CCDC85C: variants seen among roughly 807,000 people sequenced by gnomAD.
CCDC85C encodes coiled-coil domain containing 85C.
In CCDC85C, 18 loss-of-function variants were observed where a neutral mutation model predicts 38.3. The ratio of observed to expected loss-of-function variants is 0.47; its 90% confidence interval spans 0.33 to 0.70. The LOEUF is 0.70. Ranked by LOEUF, CCDC85C falls within the 30% of genes least tolerant of loss-of-function variation. The pLI, the probability that CCDC85C is intolerant of heterozygous loss-of-function variation, is 0.03. For missense variants in CCDC85C, 566 were observed against 621.2 expected (o/e 0.91, Z 0.94); for synonymous variants, 264 against 293.8 (o/e 0.90, Z 1.04).
chr14:99,520,435 CCGA>C lies in CCDC85C; in HGVS notation c.975+1695_975+1697del, dbSNP rs1897286866. Among the ~76,000 whole-genome samples the C allele has an allele frequency of 6.7e-6, 1 of 149,480 alleles. No individual in the cohort carries two copies. The highest frequency in any genetic ancestry group is 2.0e-4 in the East Asian group (1 of 4,888). ...CTGGGGGCCTGCCCGCCGACCAGCC[CCGA>C]TCACGGCCCCTGCACCTCAGTTCAT... is the stretch of plus-strand genomic sequence containing the variant. On this transcript the variant is annotated intron_variant, in intron 3 of 5. Coordinates refer to ENST00000380243, the MANE Select transcript of CCDC85C (RefSeq NM_001144995.2). This position sits in a 1 kb window ranked among gnomAD's most constrained non-coding sequence, Gnocchi z 4.1.
chr14:99,531,379 C>G (rs761683394), intron 2 of CCDC85C, among the ~76,000 whole-genome samples: 1 of 152,048 alleles, frequency 6.6e-6, no homozygotes, highest in Admixed American at 6.5e-5. Flanking sequence ...CAGCCCAGCC[C>G]GGCTGGGCAC....
At chr14:99,546,036 C>T (rs1016386263) in intron 1 of CCDC85C, among the ~76,000 whole-genome samples, 11 of 150,398 alleles carry the variant, frequency 7.3e-5, no homozygotes, top group African/African-American at 2.3e-4. Context: ...TGCAACTAAT[C>T]GCGCAGGACT....
chr14:99,586,685 C>T (rs965801954), intron 1 of CCDC85C, among the ~76,000 whole-genome samples: 1 of 152,206 alleles, frequency 6.6e-6, no homozygotes, highest in African/African-American at 2.4e-5. Context: ...TTTCCAGATG[C>T]CAACTCATCA....
Position 99,533,830 on chromosome 14 carries a change from C to A in CCDC85C, c.867+2185G>T, listed in dbSNP as rs1170162486. On this transcript the variant is annotated intron_variant, in intron 2 of 5. Coordinates refer to ENST00000380243, the MANE Select transcript of CCDC85C (RefSeq NM_001144995.2). This position sits in a 1 kb window ranked among gnomAD's most constrained non-coding sequence, Gnocchi z 4.2. Reference sequence around the variant, plus strand: ...GTGGACACAGGTTATGGTGGAGGGCCCCCTGTGAGACCGGGGGGCACCCCA... The same window carrying A: ...GTGGACACAGGTTATGGTGGAGGGCACCCTGTGAGACCGGGGGGCACCCCA... Among the ~76,000 whole-genome samples, 3 of 152,186 alleles carry A rather than the reference C, an allele frequency of 2.0e-5. No homozygotes were observed. The highest frequency in any genetic ancestry group is 4.4e-5 in the Non-Finnish European group (3 of 68,034).
chr14:99,554,051 G>A lies in CCDC85C; in HGVS notation c.794-17963C>T, dbSNP rs188799491. ...CAGAGCTGCTGCAGACCCTCTCCCC[G>A]CCACCCAGTGTGGTCGGCTCCACTT... On this transcript the variant is annotated intron_variant, in intron 1 of 5. Coordinates refer to ENST00000380243, the MANE Select transcript of CCDC85C (RefSeq NM_001144995.2). Among the ~76,000 whole-genome samples the A allele has an allele frequency of 2.1e-3, 325 of 152,226 alleles. 2 individuals carry two copies. The highest frequency in any genetic ancestry group is 0.01 in the Middle Eastern group (3 of 294).
intron 1 of CCDC85C, among the ~76,000 whole-genome samples, chr14:99,590,950 G>T (rs910530478): frequency 1.3e-5 from 2 of 152,320 alleles, no homozygotes; most frequent in African/African-American, 4.8e-5. Context: ...CGCCAGGGAC[G>T]GCCAGAGTAA....
At chr14:99,587,525 C>T (rs2055039558) in intron 1 of CCDC85C, among the ~76,000 whole-genome samples, 1 of 152,212 alleles carries the variant, frequency 6.6e-6, no homozygotes, top group South Asian at 2.1e-4. Context: ...TCACAGGGAA[C>T]AAAGACCTTC....
In CCDC85C at chr14:99,515,045, T is replaced by C; in HGVS notation, c.*201A>G. 1 of 534,952 alleles carries C rather than the reference T, an allele frequency of 1.9e-6. No homozygotes were observed. The highest frequency in any genetic ancestry group is 3.4e-6 in the Non-Finnish European group (1 of 297,660). 33.1% of individuals were successfully genotyped at this position (534,952 alleles called of 1,614,324 possible). A position where few individuals can be genotyped will look rare whatever the true frequency, so the allele number is the denominator to read the frequency against. On this transcript the variant is annotated 3_prime_UTR_variant, in exon 6 of 6. Coordinates refer to ENST00000380243, the MANE Select transcript of CCDC85C (RefSeq NM_001144995.2). ...GCAGCGTCTCGTCTTCCCAGGTTGC[T>C]GGTGTATGAGGCGGGAGATGGCGGC...
At chr14:99,580,154 C>A in intron 1 of CCDC85C, 1 of 455,034 alleles carries the variant, frequency 2.2e-6, no homozygotes, top group South Asian at 1.6e-5. Flanking sequence ...CAGGCCTGGC[C>A]CCCGGCACAC....
intron 1 of CCDC85C, among the ~76,000 whole-genome samples, chr14:99,586,991 T>C (rs979193771): frequency 2.6e-5 from 4 of 151,974 alleles, no homozygotes; most frequent in African/African-American, 7.3e-5. Flanking sequence ...CTCCTGGGGG[T>C]GACAGTGGGA....
intron 1 of CCDC85C, among the ~76,000 whole-genome samples, chr14:99,590,053 C>T (rs1170382942): frequency 6.6e-6 from 1 of 152,256 alleles, no homozygotes; most frequent in East Asian, 1.9e-4. Flanking sequence ...ACACACTTCA[C>T]AGCAGATCAT....
At chr14:99,553,088 A>G (rs1293864886) in intron 1 of CCDC85C, among the ~76,000 whole-genome samples, 1 of 152,142 alleles carries the variant, frequency 6.6e-6, no homozygotes, top group Non-Finnish European at 1.5e-5. Context: ...TCACAGAAAC[A>G]CTGGTCTCAC....
chr14:99,555,160 CCT>C (rs1212253563), intron 1 of CCDC85C, among the ~76,000 whole-genome samples: 1 of 152,200 alleles, frequency 6.6e-6, no homozygotes, highest in African/African-American at 2.4e-5. Context: ...AGGGAGCCTC[CCT>C]CTGTGTAATC....
intron 3 of CCDC85C, among the ~76,000 whole-genome samples, chr14:99,521,827 C>T (rs1020772531): frequency 1.3e-5 from 2 of 152,214 alleles, no homozygotes; most frequent in Non-Finnish European, 2.9e-5. Context: ...CAGGGCTGGC[C>T]GGGTACCCTC....
intron 1 of CCDC85C, among the ~76,000 whole-genome samples, chr14:99,538,326 G>C (rs1206897234): frequency 6.6e-6 from 1 of 152,228 alleles, no homozygotes; most frequent in Non-Finnish European, 1.5e-5. Flanking sequence ...CCCAGCCTTG[G>C]AGAGAAGCTG....
In CCDC85C at chr14:99,515,152, A is replaced by G. The variant is rs1398190316; in HGVS notation, c.*94T>C. 5.8e-6 allele frequency: 5 copies of G among 864,674 alleles called. No homozygotes were observed. The highest frequency in any genetic ancestry group is 3.1e-4 in the Middle Eastern group (1 of 3,200). 53.6% of individuals were successfully genotyped at this position (864,674 alleles called of 1,614,324 possible). ...ACAGTTCACCACAGAGGAAGAAGAC[A>G]GGGGCTGGGCTGGAGGTCCTGCCCG... On this transcript the variant is annotated 3_prime_UTR_variant, in exon 6 of 6. Transcript: ENST00000380243.
chr14:99,551,705 G>A (rs1305269797), intron 1 of CCDC85C, among the ~76,000 whole-genome samples: 1 of 151,466 alleles, frequency 6.6e-6, no homozygotes, highest in Non-Finnish European at 1.5e-5. Flanking sequence ...GTGCAGGTGG[G>A]TGAGCAGGTG....
chr14:99,503,320 T>G lies in CCDC85C; in HGVS notation c.*11926A>C, dbSNP rs1896888371. 1.7e-6 allele frequency: 1 copy of G among 603,138 alleles called. No individual in the cohort carries two copies. Among genetic ancestry groups the G allele is most frequent in the Non-Finnish European group, 3.0e-6 (1 of 338,072 alleles). 37.4% of individuals were successfully genotyped at this position (603,138 alleles called of 1,614,324 possible). A position where few individuals can be genotyped will look rare whatever the true frequency, so the allele number is the denominator to read the frequency against. On this transcript the variant is annotated 3_prime_UTR_variant, in exon 6 of 6. Transcript: ENST00000380243. ...TGTGCAGCTGCCTGACCCCAAACAG[T>G]GGACCGTTTCCTGCACCCAAGTGGT...
intron 1 of CCDC85C, among the ~76,000 whole-genome samples, chr14:99,574,692 G>C (rs1469662185): frequency 6.6e-6 from 1 of 152,214 alleles, no homozygotes; most frequent in Non-Finnish European, 1.5e-5. Flanking sequence ...GGAGCTTCAT[G>C]AGCACCATCT....
Sources: allele counts gnomAD v4.1 joint callset (sites outside exome capture counted in the v4.1 genomes callset), GRCh38; gene constraint gnomAD v4.1.1; non-coding constraint Gnocchi (gnomAD v3.1); transcripts MANE v1.5; gene names NCBI Gene and HGNC (gene_info 2026-07-23, HGNC 2026-07-21).